Variants in DLGAP2 observed in about 807,000 individuals in gnomAD.
The protein encoded by DLGAP2 is disks large-associated protein 2.
A neutral mutation model predicts 100.3 loss-of-function variants in DLGAP2; 26 were observed. The observed-to-expected ratio is 0.26, with a 90% CI of 0.19 to 0.36. The LOEUF is 0.36. Ranked by LOEUF, DLGAP2 falls within the 10% of genes least tolerant of loss-of-function variation. The pLI is 1.00. For synonymous variants in DLGAP2, 886 were observed against 630.1 expected (o/e 1.41, Z -6.08); for missense variants, 1,858 against 1,453.2 (o/e 1.28, Z -4.53).
chr8:1,064,895 G>A (rs1030363875), intron 2 of DLGAP2, among the ~76,000 whole-genome samples: 3 of 152,162 alleles, frequency 2.0e-5, no homozygotes, highest in Non-Finnish European at 2.9e-5. Flanking sequence ...TGGAGAATCC[G>A]TTTAAGGAAC....
intron 1 of DLGAP2, among the ~76,000 whole-genome samples, chr8:817,483 G>A (rs1435696222): frequency 2.6e-5 from 4 of 152,184 alleles, no homozygotes; most frequent in African/African-American, 4.8e-5. Context: ...ATTTCTTCTT[G>A]GTTTGGATCC....
At chr8:1,283,722 C>CTT (rs1326921591) in intron 3 of DLGAP2, among the ~76,000 whole-genome samples, 6 of 152,184 alleles carry the variant, frequency 3.9e-5, no homozygotes. Flanking sequence ...TCTTGTCACT[C>CTT]TAATTCTGGG....
intron 6 of DLGAP2, among the ~76,000 whole-genome samples, chr8:1,599,539 C>CCTCCTGTATTGGGTG (rs1438463993): frequency 1.3e-5 from 2 of 151,818 alleles, no homozygotes; most frequent in African/African-American, 4.8e-5. Flanking sequence ...GAATCTGGGT[C>CCTCCTGTATTGGGTG]CTCCTGTATT....
At chr8:896,422 G>T (rs986845111) in intron 1 of DLGAP2, among the ~76,000 whole-genome samples, 4 of 151,982 alleles carry the variant, frequency 2.6e-5, no homozygotes, top group African/African-American at 7.3e-5. Flanking sequence ...AGGGCGGGGG[G>T]GCTGGGTGGT....
chr8:1,221,352 T>A (rs947186762), intron 2 of DLGAP2, among the ~76,000 whole-genome samples: 3 of 152,232 alleles, frequency 2.0e-5, no homozygotes, highest in Non-Finnish European at 4.4e-5. Context: ...CTCCTTTACT[T>A]ATGAAGCATA....
At chr8:1,380,937 C>CAAAAAAAAAAAA (rs34675828) in intron 3 of DLGAP2, 2 of 77,118 alleles carry the variant, frequency 2.6e-5, no homozygotes, top group African/African-American at 4.5e-5. Context: ...GAACATGATT[C>CAAAAAAAAAAAA]AAAAAAAAAA....
At chr8:866,136 G>A (rs1235496463) in intron 1 of DLGAP2, among the ~76,000 whole-genome samples, 1 of 152,080 alleles carries the variant, frequency 6.6e-6, no homozygotes, top group Non-Finnish European at 1.5e-5. Flanking sequence ...TGCTCTGTGT[G>A]TCCTGCAGCA....
chr8:988,390 G>T (rs1212663592), intron 2 of DLGAP2, among the ~76,000 whole-genome samples: 3 of 152,190 alleles, frequency 2.0e-5, no homozygotes, highest in East Asian at 3.9e-4. Flanking sequence ...CGAAGCTGCA[G>T]GTAACACTCA....
rs551999435 is a variant in DLGAP2 at position 1,268,965 on chromosome 8, C to T, written c.106+10082C>T. Reference sequence around the variant, plus strand: ...CCCTCAGCTCTATCTGCAGCTGATTCTGCAGGTAGCTCAGCCGTAGTCCTT... The same window carrying T: ...CCCTCAGCTCTATCTGCAGCTGATTTTGCAGGTAGCTCAGCCGTAGTCCTT... On this transcript the variant is annotated intron_variant, in intron 3 of 14. Coordinates refer to ENST00000637795, the MANE Select transcript of DLGAP2 (RefSeq NM_001346810.2). Among the ~76,000 whole-genome samples, 10 of 152,182 alleles carry T rather than the reference C, an allele frequency of 6.6e-5. 1 individual carries two copies. The South Asian group carries it at 2.1e-3, about 32-fold the overall frequency.
chr8:758,057 A>G (rs555605303), intron 1 of DLGAP2, among the ~76,000 whole-genome samples: 2 of 152,146 alleles, frequency 1.3e-5, no homozygotes, highest in African/African-American at 2.4e-5. Context: ...AATGGAGATG[A>G]TGGTAATTTC....
chr8:1,263,291 T>G (rs1428852213), intron 3 of DLGAP2, among the ~76,000 whole-genome samples: 1 of 152,214 alleles, frequency 6.6e-6, no homozygotes, highest in Non-Finnish European at 1.5e-5. Context: ...TTAAAAAAAC[T>G]AAGTAGTTTA....
At chr8:1,254,069 C>T (rs1799114392) in intron 2 of DLGAP2, among the ~76,000 whole-genome samples, 1 of 152,218 alleles carries the variant, frequency 6.6e-6, no homozygotes. Context: ...TCCAGTCCCT[C>T]CTGGGGGCAC....
intron 2 of DLGAP2, among the ~76,000 whole-genome samples, chr8:1,170,217 A>T (rs1218431954): frequency 6.6e-6 from 1 of 152,224 alleles, no homozygotes; most frequent in Non-Finnish European, 1.5e-5. Flanking sequence ...CCAGCCTTGC[A>T]TCCCAGGGAT....
chr8:1,003,453 G>A (rs1188912205), intron 2 of DLGAP2: 1 of 152,200 alleles, frequency 6.6e-6, no homozygotes, highest in African/African-American at 2.4e-5. Flanking sequence ...ATATATCCAT[G>A]GGTGGATGGA....
intron 1 of DLGAP2, among the ~76,000 whole-genome samples, chr8:903,087 G>C (rs1798296160): frequency 6.6e-6 from 1 of 151,730 alleles, no homozygotes; most frequent in Non-Finnish European, 1.5e-5. Flanking sequence ...TGGCGCAGCA[G>C]GCAAGGGATC....
chr8:1,270,077 G>A (rs1331246094), intron 3 of DLGAP2, among the ~76,000 whole-genome samples: 5 of 152,080 alleles, frequency 3.3e-5, no homozygotes, highest in African/African-American at 4.8e-5. Context: ...TTTCCCTTGG[G>A]GTCCTGTTGA....
chr8:1,010,423 C>T (rs1801246626), intron 2 of DLGAP2, among the ~76,000 whole-genome samples: 1 of 152,212 alleles, frequency 6.6e-6, no homozygotes, highest in African/African-American at 2.4e-5. Flanking sequence ...CACACATGTG[C>T]CCACATATGC....
intron 1 of DLGAP2, among the ~76,000 whole-genome samples, chr8:871,965 C>T (rs1797606678): frequency 6.6e-6 from 1 of 152,160 alleles, no homozygotes; most frequent in Non-Finnish European, 1.5e-5. Context: ...TTTCTTCTTA[C>T]ATACTCTACA....
chr8:1,150,170 A>G (rs544851956), intron 2 of DLGAP2, among the ~76,000 whole-genome samples: 7 of 152,328 alleles, frequency 4.6e-5, no homozygotes, highest in African/African-American at 1.2e-4. Context: ...CTCTTCGAAG[A>G]AAATTCTCTC....
Sources: allele counts gnomAD v4.1 joint callset (sites outside exome capture counted in the v4.1 genomes callset), GRCh38; gene constraint gnomAD v4.1.1; transcripts MANE v1.5; gene names NCBI Gene and HGNC (gene_info 2026-07-23, HGNC 2026-07-21).